The following CNTNAP2 variants were observed in gnomAD, a reference collection of about 807,000 sequenced individuals.
CNTNAP2 encodes contactin-associated protein-like 2.
Under a neutral mutation model 155.2 loss-of-function variants are expected in CNTNAP2, and 98 were observed. The observed-to-expected ratio is 0.63, with a 90% CI of 0.54 to 0.75. CNTNAP2 has a LOEUF of 0.75. CNTNAP2 is among the 30% of genes least tolerant of loss of function. The pLI is 0.00. For missense variants in CNTNAP2, 1,727 were observed against 1,688.1 expected (o/e 1.02, Z -0.40); for synonymous variants, 651 against 631.2 (o/e 1.03, Z -0.47).
intron 1 of CNTNAP2, among the ~76,000 whole-genome samples, chr7:146,352,818 G>C (rs570304617): frequency 1.5e-5 from 2 of 132,998 alleles, no homozygotes; most frequent in East Asian, 4.4e-4. Flanking sequence ...TCAGTGGTGC[G>C]ATCTCGGCTC....
intron 21 of CNTNAP2, among the ~76,000 whole-genome samples, chr7:148,364,777 A>C (rs1316887347): frequency 6.6e-6 from 1 of 152,186 alleles, no homozygotes; most frequent in Non-Finnish European, 1.5e-5. Flanking sequence ...AAGAGAATAA[A>C]AGCAGGCTGC....
At chr7:147,276,343 TG>T (rs1216034123) in intron 8 of CNTNAP2, among the ~76,000 whole-genome samples, 4 of 152,010 alleles carry the variant, frequency 2.6e-5, no homozygotes, top group Non-Finnish European at 5.9e-5. Flanking sequence ...GAAGATTTTT[TG>T]TTACTGATTT....
chr7:147,564,547 G>A (rs970587100), intron 12 of CNTNAP2, among the ~76,000 whole-genome samples: 2 of 152,018 alleles, frequency 1.3e-5, no homozygotes, highest in African/African-American at 4.8e-5. Context: ...AGGGCATCGT[G>A]GCTTGGACTG....
intron 3 of CNTNAP2, among the ~76,000 whole-genome samples, chr7:146,861,505 T>A (rs1292400692): frequency 1.3e-5 from 2 of 152,178 alleles, no homozygotes; most frequent in African/African-American, 4.8e-5. Flanking sequence ...TAATGCATCA[T>A]AATTTCTATT....
intron 1 of CNTNAP2, among the ~76,000 whole-genome samples, chr7:146,130,757 C>G (rs1797701955): frequency 6.6e-6 from 1 of 152,098 alleles, no homozygotes; most frequent in South Asian, 2.1e-4. Context: ...TTCTGCATGG[C>G]TGGGGAGGCC....
chr7:147,536,684 G>A (rs1264516571), intron 11 of CNTNAP2, among the ~76,000 whole-genome samples: 1 of 152,168 alleles, frequency 6.6e-6, no homozygotes, highest in Non-Finnish European at 1.5e-5. Flanking sequence ...TTTCAAGGTG[G>A]TGAGAGCAGT....
chr7:146,619,870 T>G (rs139361664), intron 1 of CNTNAP2, among the ~76,000 whole-genome samples: 150 of 152,306 alleles, frequency 9.8e-4, no homozygotes, highest in African/African-American at 3.4e-3. Context: ...TGTAGATGTA[T>G]TTTTAGTAAA....
At chr7:147,418,378 T>C (rs1797234716) in intron 10 of CNTNAP2, among the ~76,000 whole-genome samples, 1 of 152,214 alleles carries the variant, frequency 6.6e-6, no homozygotes, top group Non-Finnish European at 1.5e-5. Context: ...ACCTTTATTC[T>C]CCATTTCAGA....
intron 4 of CNTNAP2, among the ~76,000 whole-genome samples, chr7:147,054,450 T>G (rs1799524542): frequency 6.6e-6 from 1 of 152,174 alleles, no homozygotes; most frequent in Non-Finnish European, 1.5e-5. Flanking sequence ...ACTTTTTATA[T>G]ATATGTTAAT....
At chr7:146,185,241 A>C (rs889082860) in intron 1 of CNTNAP2, among the ~76,000 whole-genome samples, 49 of 152,328 alleles carry the variant, frequency 3.2e-4, no homozygotes, top group African/African-American at 1.0e-3. Flanking sequence ...AATTGAAAAA[A>C]AAATACTACT....
intron 10 of CNTNAP2, among the ~76,000 whole-genome samples, chr7:147,412,067 C>T (rs1442913402): frequency 6.6e-6 from 1 of 152,094 alleles, no homozygotes; most frequent in Non-Finnish European, 1.5e-5. Context: ...GAAGATGATC[C>T]AGCCTCCCTT....
At chr7:146,122,222 A>G (rs1270663432) in intron 1 of CNTNAP2, among the ~76,000 whole-genome samples, 20 of 152,218 alleles carry the variant, frequency 1.3e-4, no homozygotes, top group Admixed American at 1.3e-3. Flanking sequence ...CAGAAAGAAT[A>G]GATTCTGCTG....
chr7:146,936,724 CAT>C (rs1796923139), intron 3 of CNTNAP2, among the ~76,000 whole-genome samples: 1 of 152,186 alleles, frequency 6.6e-6, no homozygotes, highest in Non-Finnish European at 1.5e-5. Context: ...TTCAACCAGT[CAT>C]AGACTGCTGA....
chr7:147,653,016 G>T (rs1795471950), intron 13 of CNTNAP2, among the ~76,000 whole-genome samples: 1 of 152,020 alleles, frequency 6.6e-6, no homozygotes, highest in Non-Finnish European at 1.5e-5. Context: ...AAAAAATATG[G>T]TTTATATAAC....
chr7:146,460,045 T>C (rs1796613013), intron 1 of CNTNAP2, among the ~76,000 whole-genome samples: 1 of 152,080 alleles, frequency 6.6e-6, no homozygotes, highest in Non-Finnish European at 1.5e-5. Flanking sequence ...AGAGGAAGTT[T>C]AACAACAAAA....
chr7:148,085,328 C>A lies in CNTNAP2; in HGVS notation c.2384-32790C>A, dbSNP rs1454242947. 2.0e-5 allele frequency among the ~76,000 whole-genome samples: 3 copies of A among 152,148 alleles called. No homozygotes were observed. The East Asian group carries it at 5.8e-4, about 29-fold the overall frequency. On this transcript the variant is annotated intron_variant, in intron 15 of 23. Transcript: ENST00000361727. ...AAAATGATGATTCTTAAGGATTGAGCTTCAAATGTGAATTTTTCTATTTTA... is the reference window on the plus strand; with the variant it reads ...AAAATGATGATTCTTAAGGATTGAGATTCAAATGTGAATTTTTCTATTTTA...
chr7:147,003,636 G>GAT (rs1420388253), intron 3 of CNTNAP2, among the ~76,000 whole-genome samples: 2 of 151,762 alleles, frequency 1.3e-5, no homozygotes, highest in African/African-American at 2.4e-5. Flanking sequence ...ATATATATAA[G>GAT]ATATATATAC....
At chr7:147,894,963 TTC>T (rs1379869719) in intron 13 of CNTNAP2, among the ~76,000 whole-genome samples, 791 of 58,708 alleles carry the variant, frequency 0.013, 85 homozygotes, top group Admixed American at 0.044. Context: ...CTTTCTTTCT[TTC>T]TTTTTTTTTT....
At chr7:147,655,838 C>T (rs1481557827) in intron 13 of CNTNAP2, among the ~76,000 whole-genome samples, 1 of 152,198 alleles carries the variant, frequency 6.6e-6, no homozygotes, top group Non-Finnish European at 1.5e-5. Context: ...GGTTTGAAGC[C>T]AAGCGTTCAC....
Sources: allele counts gnomAD v4.1 joint callset (sites outside exome capture counted in the v4.1 genomes callset), GRCh38; gene constraint gnomAD v4.1.1; transcripts MANE v1.5; gene names NCBI Gene and HGNC (gene_info 2026-07-23, HGNC 2026-07-21).